TENM1: variants seen among roughly 807,000 people sequenced by gnomAD.
TENM1 encodes the protein teneurin transmembrane protein 1, also known as teneurin-1.
In TENM1, 35 loss-of-function variants were observed where a neutral mutation model predicts 174.8. That is an observed-to-expected ratio of 0.20 (90% CI 0.15 to 0.27). The LOEUF is 0.27. Among genes scored for constraint, TENM1 ranks in the 10% least tolerant of loss-of-function variants. The pLI, the probability that TENM1 is intolerant of heterozygous loss-of-function variation, is 1.00. For missense variants in TENM1, 1,633 were observed against 2,130.1 expected (o/e 0.77, Z 4.59); for synonymous variants, 781 against 798.7 (o/e 0.98, Z 0.37).
chrX:124,612,387 T>C (rs1264115738), intron 11 of TENM1, among the ~76,000 whole-genome samples: 1 of 110,783 alleles, frequency 9.0e-6, no homozygotes, highest in African/African-American at 3.3e-5. Flanking sequence ...ATGAAAGGAG[T>C]AGCCTGTCAT....
At chrX:124,539,020 G>A (rs2048264018) in intron 15 of TENM1, among the ~76,000 whole-genome samples, 1 of 111,368 alleles carries the variant, frequency 9.0e-6, no homozygotes, top group African/African-American at 3.3e-5. Context: ...TTGGTCTGAG[G>A]TATTCAAATT....
chrX:125,095,215 A>C, the TENM1 span, among the ~76,000 whole-genome samples: 1 of 111,983 alleles, frequency 8.9e-6, no homozygotes, highest in Non-Finnish European at 1.9e-5. Context: ...ATGAACATTT[A>C]AAGATGCTCT....
chrX:124,770,033 A>G (rs2054619154), intron 3 of TENM1, among the ~76,000 whole-genome samples: 1 of 112,139 alleles, frequency 8.9e-6, no homozygotes, highest in African/African-American at 3.2e-5. Flanking sequence ...GACTTGCCTA[A>G]CATCATATAG....
intron 19 of TENM1, among the ~76,000 whole-genome samples, chrX:124,500,900 T>C (rs1461675548): frequency 1.8e-5 from 2 of 111,657 alleles, no homozygotes; most frequent in Admixed American, 1.9e-4. Flanking sequence ...ACTGAGAGGA[T>C]ATAAACACAA....
chrX:125,175,166 T>C, the TENM1 span, among the ~76,000 whole-genome samples: 7 of 110,926 alleles, frequency 6.3e-5, no homozygotes, highest in Non-Finnish European at 1.1e-4. Context: ...ATTATCTATG[T>C]CCTCAAGAGA....
intron 23 of TENM1, 83 bp from the exon 27 acceptor site, chrX:124,422,721 T>C (rs1226619498): frequency 2.0e-6 from 2 of 982,741 alleles, no homozygotes; most frequent in Non-Finnish European, 2.8e-6. Context: ...AAAAAAAAAT[T>C]GGTGTATTGT....
chrX:124,601,252 G>C (rs2050019152), intron 11 of TENM1, among the ~76,000 whole-genome samples: 1 of 111,504 alleles, frequency 9.0e-6, no homozygotes, highest in Admixed American at 9.6e-5. Context: ...TTTTTCAAGT[G>C]GGAGAGACAA....
At chrX:124,932,745 T>C (rs1004002924) in intron 1 of TENM1, among the ~76,000 whole-genome samples, 12 of 112,140 alleles carry the variant, frequency 1.1e-4, no homozygotes, top group African/African-American at 2.9e-4. Flanking sequence ...GAGTCTCAGT[T>C]ACTATATTTA....
upstream of TENM1, among the ~76,000 whole-genome samples, chrX:124,967,469 A>G (rs1033121430): frequency 9.0e-6 from 1 of 111,303 alleles, no homozygotes; most frequent in Non-Finnish European, 1.9e-5. Context: ...CTTTTCATGG[A>G]ACGCCGATGA....
chrX:125,101,803 A>AAT, the TENM1 span, among the ~76,000 whole-genome samples: 1 of 111,928 alleles, frequency 8.9e-6, no homozygotes, highest in African/African-American at 3.3e-5. Context: ...TTTATGTCAC[A>AAT]ATATATGAAC....
intron 11 of TENM1, among the ~76,000 whole-genome samples, chrX:124,586,288 A>G (rs1165847635): frequency 9.1e-6 from 1 of 110,480 alleles, no homozygotes; most frequent in Non-Finnish European, 1.9e-5. Flanking sequence ...AAAATCCTCA[A>G]TAAAATACTG....
At chrX:124,987,119 T>C in the TENM1 span, among the ~76,000 whole-genome samples, 2 of 111,778 alleles carry the variant, frequency 1.8e-5, no homozygotes, top group Non-Finnish European at 3.8e-5. Flanking sequence ...TGTCTTACCT[T>C]TAGCTCTCAA....
intron 3 of TENM1, among the ~76,000 whole-genome samples, chrX:124,864,549 C>G (rs1455550344): frequency 9.0e-6 from 1 of 111,200 alleles, no homozygotes; most frequent in African/African-American, 3.3e-5. Context: ...AATACATAGT[C>G]AGAGGAGGCA....
At chrX:124,912,493 T>C (rs778230312) in intron 1 of TENM1, among the ~76,000 whole-genome samples, 48 of 110,346 alleles carry the variant, frequency 4.3e-4, no homozygotes, top group African/African-American at 1.5e-3. Context: ...TTTTATTTTG[T>C]TGGGGGGAAG....
intron 21 of TENM1, 29 bp downstream of exon 24, chrX:124,487,180 T>A (rs1245597400): frequency 8.6e-7 from 1 of 1,159,886 alleles, no homozygotes; most frequent in Non-Finnish European, 1.2e-6. Flanking sequence ...AGAGGGGGCA[T>A]TAGGTAGCTG....
Position 124,944,305 on chromosome X carries a change from A to T in TENM1, c.217+19232T>A, listed in dbSNP as rs746991824. Among the ~76,000 whole-genome samples, 12 of 111,599 alleles carry T rather than the reference A, an allele frequency of 1.1e-4. No homozygotes were observed. The South Asian group carries it at 4.5e-3, about 42-fold the overall frequency. On this transcript the variant is annotated intron_variant, in intron 1 of 31. Transcript: ENST00000422452. Reference sequence around the variant, plus strand: ...ATTCATCTGTATGTCATGAATCACAAAGGCTTGTAAGCCACCCAACTACTA... The same window carrying T: ...ATTCATCTGTATGTCATGAATCACATAGGCTTGTAAGCCACCCAACTACTA...
intron 3 of TENM1, among the ~76,000 whole-genome samples, chrX:124,786,031 A>T (rs2055027173): frequency 9.0e-6 from 1 of 111,623 alleles, no homozygotes; most frequent in East Asian, 2.8e-4. Context: ...GAATATAACA[A>T]TAATCTACAT....
At chrX:125,037,159 C>T in the TENM1 span, among the ~76,000 whole-genome samples, 1 of 110,914 alleles carries the variant, frequency 9.0e-6, no homozygotes, top group Non-Finnish European at 1.9e-5. Flanking sequence ...TGAACACCTA[C>T]TATGTTAAAT....
At chrX:124,944,106 T>C (rs1447971000) in intron 1 of TENM1, among the ~76,000 whole-genome samples, 1 of 111,681 alleles carries the variant, frequency 9.0e-6, no homozygotes, top group Admixed American at 9.6e-5. Context: ...GGATGAAGTA[T>C]AAAAGAGATA....
Sources: gnomAD v4.1 joint callset for allele counts (sites outside exome capture counted in the v4.1 genomes callset) on GRCh38, gnomAD v4.1.1 for gene constraint, MANE v1.5 for transcripts, NCBI Gene and HGNC (gene_info 2026-07-23, HGNC 2026-07-21) for gene names.